PCDHGA9: variants seen among roughly 807,000 people sequenced by gnomAD.
PCDHGA9 encodes the protein protocadherin gamma subfamily A, 9.
PCDHGA9 carries 37 observed loss-of-function variants against 62.5 expected under a neutral mutation model. The ratio of observed to expected loss-of-function variants is 0.59; its 90% confidence interval spans 0.46 to 0.78. The LOEUF is 0.78. PCDHGA9 is among the 30% of genes least tolerant of loss of function. The pLI, the probability that PCDHGA9 is intolerant of heterozygous loss-of-function variation, is 0.00. For missense variants in PCDHGA9, 1,138 were observed against 1,166.2 expected (o/e 0.98, Z 0.35); for synonymous variants, 459 against 484.6 (o/e 0.95, Z 0.69).
At chr5:141,498,679 C>T (rs1454800332) in intron 2 of PCDHGA9, among the ~76,000 whole-genome samples, 1 of 152,170 alleles carries the variant, frequency 6.6e-6, no homozygotes, top group African/African-American at 2.4e-5. Flanking sequence ...CGCCTGTAAT[C>T]CCAGCACTTT....
intron 1 of PCDHGA9, among the ~76,000 whole-genome samples, chr5:141,460,307 C>A (rs1025049001): frequency 6.6e-6 from 1 of 152,102 alleles, no homozygotes; most frequent in African/African-American, 2.4e-5. Context: ...TATTCAAAAA[C>A]TCCTTGCCTA....
chr5:141,482,611 G>C (rs1016481108), intron 1 of PCDHGA9, among the ~76,000 whole-genome samples: 4 of 150,398 alleles, frequency 2.7e-5, no homozygotes, highest in Non-Finnish European at 5.9e-5. Context: ...ACACCTAAAT[G>C]AGCCTGGAGA....
intron 1 of PCDHGA9, among the ~76,000 whole-genome samples, chr5:141,461,415 T>C (rs2099015091): frequency 6.6e-6 from 1 of 152,152 alleles, no homozygotes; most frequent in Non-Finnish European, 1.5e-5. Flanking sequence ...TTTCATATGT[T>C]TGTGGGCCAT....
chr5:141,419,769 CGGT>C, intron 1 of PCDHGA9: 1 of 1,614,006 alleles, frequency 6.2e-7, no homozygotes, highest in Non-Finnish European at 8.5e-7. Context: ...GACAAGGACT[CGGT>C]CCGCCAGCGC....
At chr5:141,414,733 G>A (rs768741206) in intron 1 of PCDHGA9, 2 of 1,614,174 alleles carry the variant, frequency 1.2e-6, no homozygotes. Flanking sequence ...CGTCCTGTAT[G>A]CACTCAGATC....
intron 1 of PCDHGA9, among the ~76,000 whole-genome samples, chr5:141,481,161 A>G (rs2099532805): frequency 6.6e-6 from 1 of 152,230 alleles, no homozygotes; most frequent in African/African-American, 2.4e-5. Flanking sequence ...GTATTTGCAG[A>G]ACCAGAATCC....
chr5:141,508,550 G>T (rs1440375100), intron 3 of PCDHGA9, among the ~76,000 whole-genome samples: 3 of 152,138 alleles, frequency 2.0e-5, no homozygotes, highest in Non-Finnish European at 1.5e-5. Flanking sequence ...GGTGGGCGGG[G>T]GATGGCTTTG....
At chr5:141,509,334 G>A (rs1184232270) in intron 3 of PCDHGA9, among the ~76,000 whole-genome samples, 1 of 152,186 alleles carries the variant, frequency 6.6e-6, no homozygotes, top group Non-Finnish European at 1.5e-5. Flanking sequence ...ACTGCCAGCT[G>A]GGCCTGGGCT....
At chr5:141,437,312 G>T (rs2097875410) in intron 1 of PCDHGA9, among the ~76,000 whole-genome samples, 1 of 152,176 alleles carries the variant, frequency 6.6e-6, no homozygotes, top group South Asian at 2.1e-4. Context: ...AAAGCGTTCA[G>T]CTATAATTTA....
chr5:141,432,870 T>C lies in PCDHGA9; in HGVS notation c.2424+27494T>C, dbSNP rs1022024380. The stretch of plus-strand genomic sequence containing the variant: ...GCGGTGGCCGCGGTCTCCTGCGTCT[T>C]CCTGGCCTTCGTCATCTTGCTGCTG... On this transcript the variant is annotated intron_variant, in intron 1 of 3. Transcript: ENST00000573521. This position sits in a 1 kb window ranked among gnomAD's most constrained non-coding sequence, Gnocchi z 6.0. The C allele has an allele frequency of 1.9e-6, 3 of 1,614,030 alleles. No homozygotes were observed. In the African/African-American group the frequency reaches 4.0e-5, roughly 22 times the overall value.
intron 1 of PCDHGA9, chr5:141,415,500 C>G (rs754684999): frequency 6.2e-6 from 10 of 1,614,074 alleles, no homozygotes; most frequent in Non-Finnish European, 8.5e-6. Context: ...TGATCTTCCC[C>G]CAGCCCAATT....
rs746642302 is a variant in PCDHGA9, at chr5:141,491,107, A to G, written c.2425-3700A>G. The stretch of plus-strand genomic sequence containing the variant: ...AGCCCCAGGACTGTTCCTCGTGTCT[A>G]CACACACTGGTGAGGTGCGCACAGC... On this transcript the variant is annotated intron_variant, in intron 1 of 3. Coordinates refer to ENST00000573521, the MANE Select transcript of PCDHGA9 (RefSeq NM_018921.3). The surrounding 1 kb of genome is among the most constrained non-coding windows in gnomAD (Gnocchi z 6.9). 2.5e-6 allele frequency: 4 copies of G among 1,614,148 alleles called. No homozygotes were observed. Among genetic ancestry groups the G allele is most frequent in the Non-Finnish European group, 2.5e-6 (3 of 1,180,014 alleles).
chr5:141,454,580 ATT>A (rs1392342692), intron 1 of PCDHGA9, among the ~76,000 whole-genome samples: 2 of 151,234 alleles, frequency 1.3e-5, no homozygotes, highest in Non-Finnish European at 2.9e-5. Context: ...CTAATTTTGT[ATT>A]TTTAGTAGAG....
intron 1 of PCDHGA9, chr5:141,410,911 T>C (rs927103159): frequency 2.6e-5 from 7 of 267,884 alleles, no homozygotes; most frequent in African/African-American, 7.8e-5. Flanking sequence ...TGGAGTGCAG[T>C]GGCGTGATCT....
intron 1 of PCDHGA9, among the ~76,000 whole-genome samples, 197 bp from the exon 2 acceptor site, chr5:141,494,610 T>C (rs1428159953): frequency 6.6e-6 from 1 of 152,152 alleles, no homozygotes; most frequent in Non-Finnish European, 1.5e-5. Flanking sequence ...GATTTATCTC[T>C]TGGTTTCTGG....
chr5:141,429,631 G>A (rs1272926056), intron 1 of PCDHGA9, among the ~76,000 whole-genome samples: 1 of 152,132 alleles, frequency 6.6e-6, no homozygotes, highest in Non-Finnish European at 1.5e-5. Context: ...TTTTCTCACA[G>A]CTACCTATAT....
intron 1 of PCDHGA9, chr5:141,441,954 CA>C (rs1240871171): frequency 3.1e-6 from 1 of 319,488 alleles, no homozygotes; most frequent in Non-Finnish European, 6.0e-6. Flanking sequence ...TGCAGGCCAG[CA>C]AGCCCAGGCT....
Position 141,490,241 on chromosome 5 carries a change from G to T in PCDHGA9, c.2425-4566G>T. 2 of 1,614,246 alleles carry T rather than the reference G, an allele frequency of 1.2e-6. No individual in the cohort carries two copies. Among genetic ancestry groups the T allele is most frequent in the Non-Finnish European group, 1.7e-6 (2 of 1,180,048 alleles). On this transcript the variant is annotated intron_variant, in intron 1 of 3. Transcript: ENST00000573521. This position sits in a 1 kb window ranked among gnomAD's most constrained non-coding sequence, Gnocchi z 5.4. Reference sequence around the variant, plus strand: ...GGACAGCCTGCCATGGAGGGCCACTGTGTGATTCAAGTGGATGTGGGGGAT... The same window carrying T: ...GGACAGCCTGCCATGGAGGGCCACTTTGTGATTCAAGTGGATGTGGGGGAT...
chr5:141,432,586 C>G lies in PCDHGA9; in HGVS notation c.2424+27210C>G. 6.2e-7 allele frequency: 1 copy of G among 1,613,852 alleles called. No homozygotes were observed. The highest frequency in any genetic ancestry group is 8.5e-7 in the Non-Finnish European group (1 of 1,179,972). On this transcript the variant is annotated intron_variant, in intron 1 of 3. Transcript: ENST00000573521. The surrounding 1 kb of genome is among the most constrained non-coding windows in gnomAD (Gnocchi z 6.0). ...ACGCCTGGCTGTCCTACCGTCTGCT[C>G]AAGGCCAGCGAGCCGGGACTCTTCT...
Sources: allele counts gnomAD v4.1 joint callset (sites outside exome capture counted in the v4.1 genomes callset), GRCh38; gene constraint gnomAD v4.1.1; non-coding constraint Gnocchi (gnomAD v3.1); transcripts MANE v1.5; gene names NCBI Gene and HGNC (gene_info 2026-07-23, HGNC 2026-07-21).